CSTA: variants seen among roughly 807,000 people sequenced by gnomAD.
The protein encoded by CSTA is cystatin A.
Under a neutral mutation model 9.2 loss-of-function variants are expected in CSTA, and 9 were observed. The ratio of observed to expected loss-of-function variants is 0.97; its 90% CI spans 0.59 to 1.70. The LOEUF is 1.70. Among genes scored for constraint, CSTA ranks in the 40% most tolerant of loss-of-function variants. CSTA has a pLI of 0.00. For synonymous variants in CSTA, 36 were observed against 40.6 expected, an observed-to-expected ratio of 0.89 and a Z score of 0.43; for missense variants, 118 against 113.1, an observed-to-expected ratio of 1.04 and a Z score of -0.20.
At chr3:122,337,180 T>C (rs995986863) in intron 1 of CSTA, among the ~76,000 whole-genome samples, 2 of 152,250 alleles carry the variant, frequency 1.3e-5, no homozygotes, top group African/African-American at 4.8e-5. Context: ...TTCATTATAC[T>C]AATTTTACAA....
chr3:122,332,160 C>A (rs978621351), intron 1 of CSTA, among the ~76,000 whole-genome samples: 2 of 152,182 alleles, frequency 1.3e-5, no homozygotes, highest in African/African-American at 4.8e-5. Context: ...GTTGGGAACA[C>A]CTGTCTTAGG....
intron 1 of CSTA, among the ~76,000 whole-genome samples, chr3:122,330,809 T>C (rs1030834527): frequency 2.6e-5 from 4 of 152,092 alleles, no homozygotes; most frequent in Non-Finnish European, 4.4e-5. Context: ...AAATAGTGCC[T>C]GCCCTTTGGG....
intron 1 of CSTA, among the ~76,000 whole-genome samples, chr3:122,335,595 T>C (rs2075231988): frequency 6.6e-6 from 1 of 151,590 alleles, no homozygotes; most frequent in Non-Finnish European, 1.5e-5. Context: ...ATGAGTCCTG[T>C]GGTATTTGAT....
chr3:122,340,014 C>T (rs2075256735), intron 2 of CSTA, among the ~76,000 whole-genome samples: 1 of 152,144 alleles, frequency 6.6e-6, no homozygotes, highest in African/African-American at 2.4e-5. Context: ...TTCATTGCTC[C>T]ACTTTTCTTC....
rs549330419 is a variant in CSTA, at chr3:122,329,408, CA to C, written c.66+4054del. On this transcript the variant is annotated intron_variant, in intron 1 of 2. Transcript: ENST00000264474. ...GACAAAACCCTGTCTCTACCCCCTC[CA>C]AAATACAAAAAAATAGCCAGGTAGT... Among the ~76,000 whole-genome samples, 5 of 152,048 alleles carry C rather than the reference CA, an allele frequency of 3.3e-5. No homozygotes were observed. The South Asian group carries it at 1.0e-3, about 32-fold the overall frequency.
chr3:122,339,017 T>G (rs960069984), intron 2 of CSTA, among the ~76,000 whole-genome samples: 2 of 152,054 alleles, frequency 1.3e-5, no homozygotes, highest in Non-Finnish European at 2.9e-5. Context: ...CCAGTTCCCT[T>G]TTACTTCCTG....
chr3:122,339,048 T>C (rs1272960803), intron 2 of CSTA, among the ~76,000 whole-genome samples: 1 of 152,124 alleles, frequency 6.6e-6, no homozygotes, highest in Non-Finnish European at 1.5e-5. Flanking sequence ...TGTTGATCCC[T>C]TTGCTCTGAG....
intron 1 of CSTA, among the ~76,000 whole-genome samples, chr3:122,329,544 C>A (rs537673884): frequency 1.3e-5 from 2 of 152,130 alleles, no homozygotes; most frequent in East Asian, 3.9e-4. Context: ...CCAGCCTGGC[C>A]AACAAAGCGA....
intron 1 of CSTA, among the ~76,000 whole-genome samples, chr3:122,328,992 A>C (rs1343378644): frequency 1.3e-5 from 2 of 149,990 alleles, no homozygotes; most frequent in African/African-American, 4.9e-5. Context: ...TTTTGACGGA[A>C]TCTCGCTCTG....
At chr3:122,325,442 G>T in intron 1 of CSTA, 84 bp downstream of exon 1, 1 of 1,318,374 alleles carries the variant, frequency 7.6e-7, no homozygotes. Context: ...GGTTGAACAT[G>T]AAAACCAGAA....
intron 1 of CSTA, among the ~76,000 whole-genome samples, chr3:122,329,202 A>AAG (rs2075188606): frequency 6.6e-6 from 1 of 151,654 alleles, no homozygotes; most frequent in African/African-American, 2.4e-5. Context: ...TCCTGACCTC[A>AAG]TGATCCACCC....
intron 1 of CSTA, among the ~76,000 whole-genome samples, 166 bp from the exon 2 acceptor site, chr3:122,337,381 T>C (rs923153346): frequency 6.6e-6 from 1 of 152,208 alleles, no homozygotes; most frequent in African/African-American, 2.4e-5. Flanking sequence ...TTAACCTATG[T>C]AATTGTATTA....
At chr3:122,333,758 G>A (rs2075221495) in intron 1 of CSTA, among the ~76,000 whole-genome samples, 1 of 151,544 alleles carries the variant, frequency 6.6e-6, no homozygotes, top group Non-Finnish European at 1.5e-5. Flanking sequence ...AGAAAAGAAA[G>A]GCTGGTTGGC....
chr3:122,341,304 G>T, intron 2 of CSTA, 135 bp from the exon 3 acceptor site: 1 of 857,250 alleles, frequency 1.2e-6, no homozygotes, highest in East Asian at 2.5e-5. Context: ...TCTAAGAATG[G>T]TGGACTAGGT....
chr3:122,339,669 A>G (rs56024300), intron 2 of CSTA, among the ~76,000 whole-genome samples: 2,781 of 152,340 alleles, frequency 0.018, 32 homozygotes, highest in Middle Eastern at 0.048. Context: ...TCTGGGCAAC[A>G]TAGCAAGACC....
intron 1 of CSTA, among the ~76,000 whole-genome samples, chr3:122,331,320 A>G (rs1023901375): frequency 6.6e-6 from 1 of 152,070 alleles, no homozygotes; most frequent in Non-Finnish European, 1.5e-5. Flanking sequence ...CCCCTCTCTG[A>G]CCACAGCCTC....
intron 1 of CSTA, among the ~76,000 whole-genome samples, chr3:122,333,908 C>T (rs992370372): frequency 3.3e-5 from 5 of 152,190 alleles, no homozygotes; most frequent in Admixed American, 6.5e-5. Context: ...AACTCATAGC[C>T]TTACATTCTC....
At chr3:122,332,284 G>C (rs2075209456) in intron 1 of CSTA, among the ~76,000 whole-genome samples, 1 of 152,100 alleles carries the variant, frequency 6.6e-6, no homozygotes, top group Non-Finnish European at 1.5e-5. Context: ...CTCTTAGCCA[G>C]GTGACTTCAT....
chr3:122,330,932 T>A (rs2075200605), intron 1 of CSTA, among the ~76,000 whole-genome samples: 1 of 152,170 alleles, frequency 6.6e-6, no homozygotes, highest in Non-Finnish European at 1.5e-5. Flanking sequence ...AATAAATGAA[T>A]GGCCCAACAG....
Sources: gnomAD v4.1 joint callset for allele counts (sites outside exome capture counted in the v4.1 genomes callset) on GRCh38, gnomAD v4.1.1 for gene constraint, MANE v1.5 for transcripts, NCBI Gene and HGNC (gene_info 2026-07-23, HGNC 2026-07-21) for gene names.